DNAH14: variants seen among roughly 807,000 people sequenced by gnomAD.
The protein encoded by DNAH14 is axonemal beta dynein heavy chain 14.
In DNAH14, 478 loss-of-function variants were observed where a neutral mutation model predicts 520.9. The ratio of observed to expected loss-of-function variants is 0.92; its 90% CI spans 0.85 to 0.99. The LOEUF is 0.99. Among genes scored for constraint, DNAH14 ranks in the 50% least tolerant of loss-of-function variants. The probability of loss-of-function intolerance (pLI) is 0.00; values close to 1 mark genes in which losing one functional copy is unlikely to be tolerated. For missense variants in DNAH14, 4,831 were observed against 5,234.5 expected (o/e 0.92, Z 2.38); for synonymous variants, 1,581 against 1,757.2 (o/e 0.90, Z 2.51).
chr1:225,388,254 G>A, intron 81 of DNAH14, 125 bp from the exon 82 acceptor site: 1 of 538,928 alleles, frequency 1.9e-6, no homozygotes, highest in Non-Finnish European at 3.4e-6. Context: ...AGTTGGAAAA[G>A]GACATCCTCC....
At chr1:225,105,285 T>TAA (rs2075933376) in intron 23 of DNAH14, among the ~76,000 whole-genome samples, 1 of 152,176 alleles carries the variant, frequency 6.6e-6, no homozygotes, top group Non-Finnish European at 1.5e-5. Context: ...TTACATTTGC[T>TAA]GAGGAGAGCT....
Position 225,085,537 on chromosome 1 carries a change from A to G in DNAH14, c.3328-7A>G. On this transcript the variant is annotated splice_polypyrimidine_tract_variant and splice_region_variant and intron_variant, in intron 20 of 85. Transcript: ENST00000682510. Reference sequence around the variant, plus strand: ...CTGGATACTAAAGAATACTTTGTTCATTTTAGATGTTTCAGTATGAAAATG... The same window carrying G: ...CTGGATACTAAAGAATACTTTGTTCGTTTTAGATGTTTCAGTATGAAAATG... The G allele has an allele frequency of 6.5e-7, 1 of 1,537,818 alleles. No individual in the cohort carries two copies.
At position 225,168,018 on chromosome 1, in the gene DNAH14, A is replaced by ATC; in HGVS notation, c.5526_5527dup (p.Gln1843LeufsTer9). The ATC allele has an allele frequency of 6.6e-7, 1 of 1,522,442 alleles. No homozygotes were observed. Among genetic ancestry groups the ATC allele is most frequent in the Non-Finnish European group, 8.9e-7 (1 of 1,127,994 alleles). The allele number at this position is 1,522,442 out of a possible 1,614,324, so 94.3% of individuals were successfully genotyped here. A position where few individuals can be genotyped will look rare whatever the true frequency, so the allele number is the denominator to read the frequency against. ...AAAGAGAAGATTATACAGTTTTATA[A>ATC]TCAACTTCAGGTAAGTATAAAATGG... is the stretch of plus-strand genomic sequence containing the variant. On this transcript the variant is annotated frameshift_variant, in exon 36 of 86. Coordinates refer to ENST00000682510, the MANE Select transcript of DNAH14 (RefSeq NM_001367479.1). LOFTEE classifies it high-confidence loss of function.
At chr1:224,942,515 G>A (rs2059493104) in intron 1 of DNAH14, among the ~76,000 whole-genome samples, 2 of 152,012 alleles carry the variant, frequency 1.3e-5, no homozygotes, top group Admixed American at 6.5e-5. Context: ...CTGCCTGATT[G>A]CCCTGGCCAG....
chr1:225,284,263 A>C (rs979842546), intron 54 of DNAH14, among the ~76,000 whole-genome samples: 3 of 152,072 alleles, frequency 2.0e-5, no homozygotes, highest in Admixed American at 2.0e-4. Context: ...AGACTGACCA[A>C]GAAAAAATGA....
intron 15 of DNAH14, among the ~76,000 whole-genome samples, chr1:225,046,779 T>C (rs568837796): frequency 1.1e-3 from 169 of 152,328 alleles, no homozygotes; most frequent in African/African-American, 3.8e-3. Flanking sequence ...TTCATTGATA[T>C]TTATTTTGGT....
At chr1:225,024,384 TAA>T in intron 11 of DNAH14, 4 of 423,790 alleles carry the variant, frequency 9.4e-6, no homozygotes, top group Non-Finnish European at 1.3e-5. Context: ...ACACTACTGT[TAA>T]AAACAAAGCA....
chr1:225,171,642 A>G (rs2082679992), intron 36 of DNAH14, among the ~76,000 whole-genome samples: 1 of 152,188 alleles, frequency 6.6e-6, no homozygotes, highest in Non-Finnish European at 1.5e-5. Flanking sequence ...CTTACCAACC[A>G]AAAGAAGTCC....
intron 55 of DNAH14, among the ~76,000 whole-genome samples, chr1:225,290,775 A>G (rs2093869216): frequency 1.3e-5 from 2 of 149,112 alleles, no homozygotes; most frequent in Admixed American, 6.8e-5. Context: ...ATAATTGTAC[A>G]TGTGTTTATG....
intron 31 of DNAH14, among the ~76,000 whole-genome samples, chr1:225,148,122 C>A (rs765672035): frequency 1.3e-5 from 2 of 152,012 alleles, no homozygotes; most frequent in Non-Finnish European, 2.9e-5. Flanking sequence ...TATGATAGAA[C>A]AATTTGTATT....
intron 56 of DNAH14, among the ~76,000 whole-genome samples, chr1:225,302,088 G>GTATATATTATATATGTTTTATATATATAA (rs1203797233): frequency 6.5e-4 from 96 of 147,824 alleles, no homozygotes; most frequent in African/African-American, 2.0e-3. Context: ...CAATTTAATT[G>GTATATATTATATATGTTTTATATATATAA]TATATATTAT....
chr1:225,174,965 G>A (rs1573731538), intron 36 of DNAH14, among the ~76,000 whole-genome samples: 1 of 152,238 alleles, frequency 6.6e-6, no homozygotes, highest in East Asian at 1.9e-4. Flanking sequence ...TTGTTAATGA[G>A]ATATATCGTG....
At chr1:225,111,508 A>T (rs1487320778) in intron 23 of DNAH14, among the ~76,000 whole-genome samples, 1 of 151,766 alleles carries the variant, frequency 6.6e-6, no homozygotes, top group Non-Finnish European at 1.5e-5. Flanking sequence ...TTTTAGTTTC[A>T]GTCTATGTGT....
chr1:225,228,191 C>A (rs1253046994), intron 41 of DNAH14, among the ~76,000 whole-genome samples: 1 of 152,178 alleles, frequency 6.6e-6, no homozygotes, highest in East Asian at 1.9e-4. Flanking sequence ...GTTGCTGTGG[C>A]CTGTATTACT....
chr1:225,353,683 GC>G, intron 72 of DNAH14, 119 bp from the exon 73 acceptor site: 1 of 639,540 alleles, frequency 1.6e-6, no homozygotes, highest in East Asian at 2.9e-5. Flanking sequence ...TTAAAAGTCA[GC>G]CATGTTTAGA....
At chr1:225,267,438 C>T (rs754430903) in intron 49 of DNAH14, among the ~76,000 whole-genome samples, 6 of 151,846 alleles carry the variant, frequency 4.0e-5, no homozygotes, top group Non-Finnish European at 7.4e-5. Context: ...GGACTACAGG[C>T]GCCCACCACC....
At chr1:224,986,906 G>A (rs1012734719) in intron 8 of DNAH14, among the ~76,000 whole-genome samples, 3 of 152,154 alleles carry the variant, frequency 2.0e-5, no homozygotes, top group African/African-American at 7.2e-5. Context: ...GTTTGCAGAT[G>A]ATATGATCTT....
chr1:225,145,247 T>C (rs41305719), intron 29 of DNAH14, 79 bp from the exon 30 acceptor site: 16 of 1,173,718 alleles, frequency 1.4e-5, no homozygotes, highest in Non-Finnish European at 1.8e-5. Flanking sequence ...CATAAAGACA[T>C]TTTATTACTC....
Position 225,338,052 on chromosome 1 carries a change from G to GT in DNAH14, c.10312-4dup. 1 of 1,507,546 alleles carries GT rather than the reference G, an allele frequency of 6.6e-7. No homozygotes were observed. Among genetic ancestry groups the GT allele is most frequent in the Non-Finnish European group, 8.8e-7 (1 of 1,132,862 alleles). The allele number at this position is 1,507,546 out of a possible 1,614,324, so 93.4% of individuals were successfully genotyped here. A position where few individuals can be genotyped will look rare whatever the true frequency, so the allele number is the denominator to read the frequency against. On this transcript the variant is annotated splice_polypyrimidine_tract_variant and intron_variant, in intron 67 of 85. Transcript: ENST00000682510. ...GATTTTTCTTATTTTTGTCTATTGG[G>GT]TTTTTCAGAATCTCCTTGAGACATT... is the stretch of plus-strand genomic sequence containing the variant.
Sources: allele counts gnomAD v4.1 joint callset (sites outside exome capture counted in the v4.1 genomes callset), GRCh38; gene constraint gnomAD v4.1.1; transcripts MANE v1.5; gene names NCBI Gene and HGNC (gene_info 2026-07-23, HGNC 2026-07-21).